Variants in ALOX5 observed in about 807,000 individuals in gnomAD.
ALOX5 encodes the protein polyunsaturated fatty acid 5-lipoxygenase.
A neutral mutation model predicts 87.9 loss-of-function variants in ALOX5; 64 were observed. The ratio of observed to expected loss-of-function variants is 0.73; its 90% confidence interval spans 0.60 to 0.90. The LOEUF is 0.90. ALOX5 is among the 40% of genes least tolerant of loss of function. ALOX5 has a pLI of 0.00. For missense variants in ALOX5, 822 were observed against 907.5 expected (o/e 0.91, Z 1.21); for synonymous variants, 388 against 355.1 (o/e 1.09, Z -1.04).
rs200622443 is a variant in ALOX5 at position 45,380,766 on chromosome 10, ACC to A, written c.151-1715_151-1714del. ...AGACCAGCCTGGCCAACATGGTGAAACCCTGTCTCTACTGAAAATACAAAACT... is the reference window on the plus strand; with the variant it reads ...AGACCAGCCTGGCCAACATGGTGAAACTGTCTCTACTGAAAATACAAAACT... On this transcript the variant is annotated intron_variant, in intron 1 of 13. Transcript: ENST00000374391. Among the ~76,000 whole-genome samples, 905 of 152,230 alleles carry A rather than the reference ACC, an allele frequency of 5.9e-3. 6 individuals are homozygous for A. Among genetic ancestry groups the A allele is most frequent in the African/African-American group, 0.02 (818 of 41,526 alleles).
At chr10:45,415,603 A>G (rs75640804) in intron 4 of ALOX5, among the ~76,000 whole-genome samples, 2,463 of 152,342 alleles carry the variant, frequency 0.016, 62 homozygotes, top group African/African-American at 0.057. Flanking sequence ...CATACACGGA[A>G]AAAAGGAACA....
chr10:45,404,219 C>T (rs1214164692), intron 3 of ALOX5, among the ~76,000 whole-genome samples: 4 of 152,194 alleles, frequency 2.6e-5, no homozygotes, highest in African/African-American at 7.2e-5. Context: ...CCTTTGCTTC[C>T]GTTCAGGAAA....
At chr10:45,412,365 C>T in intron 4 of ALOX5, 52 bp downstream of exon 4, 2 of 1,605,898 alleles carry the variant, frequency 1.2e-6, no homozygotes, top group Non-Finnish European at 1.7e-6. Context: ...GTGGCTGGTG[C>T]TGGGGGTGGA....
chr10:45,434,527 C>A (rs941902474), intron 7 of ALOX5, among the ~76,000 whole-genome samples: 1 of 152,198 alleles, frequency 6.6e-6, no homozygotes, highest in African/African-American at 2.4e-5. Flanking sequence ...TCCAGCTGAC[C>A]TGGAGGGGTC....
Position 45,445,759 on chromosome 10 carries a change from G to A in ALOX5, c.*72G>A. 1 of 1,520,520 alleles carries A rather than the reference G, an allele frequency of 6.6e-7. No homozygotes were observed. Among genetic ancestry groups the A allele is most frequent in the Non-Finnish European group, 9.0e-7 (1 of 1,112,234 alleles). The allele number at this position is 1,520,520 out of a possible 1,614,324, so 94.2% of individuals were successfully genotyped here. The stretch of plus-strand genomic sequence containing the variant: ...TGGACTCCAGCCTGCCTGGCAGGCT[G>A]TCTGGCCAGGCCTCTTGGCAGTCAC... On this transcript the variant is annotated 3_prime_UTR_variant, in exon 14 of 14. Coordinates refer to ENST00000374391, the MANE Select transcript of ALOX5 (RefSeq NM_000698.5).
intron 3 of ALOX5, among the ~76,000 whole-genome samples, chr10:45,402,817 G>A (rs568950394): frequency 6.6e-6 from 1 of 152,308 alleles, no homozygotes; most frequent in South Asian, 2.1e-4. Flanking sequence ...GAAGGGGAGT[G>A]TCATTCACTA....
intron 4 of ALOX5, among the ~76,000 whole-genome samples, chr10:45,419,103 G>T (rs1483824851): frequency 6.6e-6 from 1 of 152,220 alleles, no homozygotes; most frequent in Non-Finnish European, 1.5e-5. Context: ...AGTCTGTGCC[G>T]CAGTGTACGT....
intron 2 of ALOX5, among the ~76,000 whole-genome samples, chr10:45,389,421 A>G (rs1013601259): frequency 6.6e-6 from 1 of 152,194 alleles, no homozygotes; most frequent in Non-Finnish European, 1.5e-5. Flanking sequence ...ATGAAGGAAA[A>G]GATGTTAAGG....
chr10:45,391,917 G>A (rs1163245970), intron 2 of ALOX5, among the ~76,000 whole-genome samples: 8 of 115,222 alleles, frequency 6.9e-5, no homozygotes, highest in Admixed American at 1.6e-4. Context: ...GAGCCCCTCC[G>A]CCCGGCAGCC....
intron 1 of ALOX5, among the ~76,000 whole-genome samples, chr10:45,376,105 C>T (rs1178827967): frequency 6.6e-6 from 1 of 152,192 alleles, no homozygotes; most frequent in East Asian, 1.9e-4. Flanking sequence ...GTGTGCTTTC[C>T]TCCTGCAGGG....
At chr10:45,413,588 G>C (rs896512260) in intron 4 of ALOX5, among the ~76,000 whole-genome samples, 3 of 152,138 alleles carry the variant, frequency 2.0e-5, no homozygotes, top group African/African-American at 7.2e-5. Flanking sequence ...GGAAGTTCTG[G>C]CCAGGGCAAT....
intron 4 of ALOX5, among the ~76,000 whole-genome samples, chr10:45,418,369 C>T (rs772925545): frequency 1.3e-5 from 2 of 152,176 alleles, no homozygotes; most frequent in Admixed American, 1.3e-4. Flanking sequence ...GACCCGGCCC[C>T]AGCTCCTCCC....
At position 45,441,412 on chromosome 10, in the gene ALOX5, G is replaced by T; in HGVS notation, c.1254G>T (p.Glu418Asp). ...NTKAREQLIC[E>D]CGLFDKANAT... ...AGGCCCGTGAGCAGCTCATCTGCGA[G>T]TGTGGCCTCTTTGACAAGGTGGGTG... The change falls in exon 9 of 14, where the codon GAG (glutamate) becomes GAT (aspartate). Residue 418 changes from glutamate to aspartate, a missense_variant. Transcript: ENST00000374391. 6.2e-7 allele frequency: 1 copy of T among 1,613,538 alleles called. No individual in the cohort carries two copies. The highest frequency in any genetic ancestry group is 1.1e-5 in the South Asian group (1 of 91,022).
rs188140929 is a variant in ALOX5, at chr10:45,442,409, C to A, written c.1273-629C>A. The stretch of plus-strand genomic sequence containing the variant: ...GCCCACCGTGGACCAATCTCTGGCA[C>A]CCCAGCACCCAAGTCCTTCTTCAAA... On this transcript the variant is annotated intron_variant, in intron 9 of 13. Coordinates refer to ENST00000374391, the MANE Select transcript of ALOX5 (RefSeq NM_000698.5). Among the ~76,000 whole-genome samples the A allele has an allele frequency of 2.2e-4, 34 of 152,358 alleles. No individual in the cohort carries two copies. The East Asian group carries it at 6.2e-3, about 28-fold the overall frequency.
chr10:45,415,446 G>A (rs1053524141), intron 4 of ALOX5, among the ~76,000 whole-genome samples: 1 of 152,190 alleles, frequency 6.6e-6, no homozygotes, highest in East Asian at 1.9e-4. Flanking sequence ...GGGGTGGGGA[G>A]AGGGGGGAGG....
At chr10:45,439,768 A>AACTC (rs1170803651) in intron 7 of ALOX5, among the ~76,000 whole-genome samples, 1 of 152,188 alleles carries the variant, frequency 6.6e-6, no homozygotes, top group African/African-American at 2.4e-5. Context: ...AAAAGAAAAA[A>AACTC]ACTCACCTTG....
chr10:45,443,423 GCC>G lies in ALOX5; in HGVS notation c.1460_1461del (p.Ala487GlyfsTer99). The G allele has an allele frequency of 6.2e-7, 1 of 1,604,438 alleles. No individual in the cohort carries two copies. The highest frequency in any genetic ancestry group is 8.5e-7 in the Non-Finnish European group (1 of 1,175,884). ...CTGCGCCCCCTGAGCCAGGTTCACG[GCC>G]GAGGTGGTAGACATCTACTACGAGG... ...LVWEAIRTFT[A>X]EVVDIYYEGD... On this transcript the variant is annotated frameshift_variant, in exon 11 of 14. Coordinates refer to ENST00000374391, the MANE Select transcript of ALOX5 (RefSeq NM_000698.5). LOFTEE classifies it high-confidence loss of function.
At chr10:45,430,801 C>A (rs1434581269) in intron 7 of ALOX5, among the ~76,000 whole-genome samples, 1 of 152,090 alleles carries the variant, frequency 6.6e-6, no homozygotes, top group Non-Finnish European at 1.5e-5. Context: ...ACCTACACAG[C>A]GAGCAGCTGA....
chr10:45,377,514 C>T (rs781690018), intron 1 of ALOX5, among the ~76,000 whole-genome samples: 1 of 152,080 alleles, frequency 6.6e-6, no homozygotes, highest in Non-Finnish European at 1.5e-5. Context: ...GGCTCTCTGT[C>T]CCACATTTTC....
Sources: gnomAD v4.1 joint callset for allele counts (sites outside exome capture counted in the v4.1 genomes callset) on GRCh38, gnomAD v4.1.1 for gene constraint, MANE v1.5 for transcripts, NCBI Gene and HGNC (gene_info 2026-07-23, HGNC 2026-07-21) for gene names.